Variants in ZFHX3 observed in about 807,000 individuals in gnomAD.
ZFHX3 encodes zinc finger homeobox 3, also known as zinc finger homeobox protein 3.
ZFHX3 carries 42 observed loss-of-function variants against 279.1 expected under a neutral mutation model. That is an observed-to-expected ratio of 0.15 (90% CI 0.12 to 0.19). The LOEUF (loss-of-function observed/expected upper bound fraction) is 0.19. Among genes scored for constraint, ZFHX3 ranks in the 10% least tolerant of loss-of-function variants. The pLI, the probability that ZFHX3 is intolerant of heterozygous loss-of-function variation, is 1.00. For missense variants in ZFHX3, 4,981 were observed against 4,754.0 expected, an observed-to-expected ratio of 1.05 and a Z score of -1.40; for synonymous variants, 2,293 against 1,957.8, an observed-to-expected ratio of 1.17 and a Z score of -4.52.
intron 3 of ZFHX3, among the ~76,000 whole-genome samples, chr16:73,388,246 G>A (rs569459214): frequency 6.6e-6 from 1 of 152,142 alleles, no homozygotes; most frequent in Non-Finnish European, 1.5e-5. Flanking sequence ...ATCCAGGCCT[G>A]TGTGGAGTAT....
chr16:73,454,203 A>G (rs2143565720), intron 3 of ZFHX3, among the ~76,000 whole-genome samples: 1 of 152,308 alleles, frequency 6.6e-6, no homozygotes, highest in Non-Finnish European at 1.5e-5. Context: ...GCATGGCAAC[A>G]ATAGATAAGA....
At chr16:73,724,376 C>G (rs1469749321) in intron 1 of ZFHX3, among the ~76,000 whole-genome samples, 2 of 152,190 alleles carry the variant, frequency 1.3e-5, no homozygotes, top group Non-Finnish European at 2.9e-5. Context: ...GCAGAAAATA[C>G]CCACAGATGA....
intron 3 of ZFHX3, among the ~76,000 whole-genome samples, chr16:73,421,764 T>C (rs890525420): frequency 6.6e-6 from 1 of 152,136 alleles, no homozygotes; most frequent in African/African-American, 2.4e-5. Flanking sequence ...TCTCCAGGGC[T>C]TCTGTCTGGG....
At chr16:73,315,546 AC>A in intron 4 of ZFHX3, among the ~76,000 whole-genome samples, 1 of 152,288 alleles carries the variant, frequency 6.6e-6, no homozygotes, top group Middle Eastern at 3.4e-3. Flanking sequence ...TAATTTCCAA[AC>A]AAAAAGACAA....
rs149890411 is a variant in ZFHX3, at chr16:72,827,147, G to T, written c.3529+2632C>A. The stretch of plus-strand genomic sequence containing the variant: ...GAAACATACGCACCAAACATCATTC[G>T]CACGATCCCATTAAATGCTTGTATG... On this transcript the variant is annotated intron_variant, in intron 5 of 9. Transcript: ENST00000268489. 8.8e-3 allele frequency among the ~76,000 whole-genome samples: 1,336 copies of T among 152,180 alleles called. 17 individuals carry two copies. Among genetic ancestry groups the T allele is most frequent in the African/African-American group, 0.028 (1,183 of 41,510 alleles).
chr16:73,384,679 C>T (rs371472971), intron 3 of ZFHX3, among the ~76,000 whole-genome samples: 51 of 152,316 alleles, frequency 3.3e-4, no homozygotes, highest in African/African-American at 1.2e-3. Flanking sequence ...TAGCAGCATA[C>T]ACAGCATACA....
chr16:73,449,581 A>T (rs1485970836), intron 3 of ZFHX3, among the ~76,000 whole-genome samples: 1 of 152,246 alleles, frequency 6.6e-6, no homozygotes, highest in Non-Finnish European at 1.5e-5. Context: ...AATGAAGAAC[A>T]TGAATCTAAA....
At chr16:73,539,037 T>C (rs537801666) in intron 2 of ZFHX3, among the ~76,000 whole-genome samples, 125 of 152,188 alleles carry the variant, frequency 8.2e-4, no homozygotes, top group African/African-American at 3.0e-3. Context: ...AGAGGGAAGA[T>C]TGTATGTAGG....
At chr16:72,843,292 T>C (rs967027324) in intron 4 of ZFHX3, among the ~76,000 whole-genome samples, 2 of 151,278 alleles carry the variant, frequency 1.3e-5, no homozygotes, top group Non-Finnish European at 2.9e-5. Flanking sequence ...AGGCAGATCA[T>C]GAGGTCAGGA....
chr16:72,935,187 G>A (rs542640083), intron 3 of ZFHX3, among the ~76,000 whole-genome samples: 14 of 152,164 alleles, frequency 9.2e-5, no homozygotes, highest in Middle Eastern at 3.2e-3. Context: ...TGCGCATAGC[G>A]GGTGCTCAAG....
intron 1 of ZFHX3, among the ~76,000 whole-genome samples, chr16:73,017,642 G>A (rs1964152943): frequency 6.6e-6 from 1 of 151,964 alleles, no homozygotes; most frequent in Non-Finnish European, 1.5e-5. Flanking sequence ...TCCAACTCCA[G>A]GGAGCTAGAC....
At chr16:73,525,825 T>C (rs1174464245) in intron 2 of ZFHX3, among the ~76,000 whole-genome samples, 2 of 152,214 alleles carry the variant, frequency 1.3e-5, no homozygotes, top group Admixed American at 6.5e-5. Flanking sequence ...AGTTTTGAGC[T>C]AACATAATTC....
At chr16:73,810,942 A>C (rs1241566280) in intron 1 of ZFHX3, among the ~76,000 whole-genome samples, 4 of 152,116 alleles carry the variant, frequency 2.6e-5, no homozygotes, top group Non-Finnish European at 5.9e-5. Context: ...TATAATACTA[A>C]ATTCTTCCTT....
rs77188960 is a variant in ZFHX3, at chr16:73,486,622, T to G, written c.-1546-30364A>C. The G allele has an allele frequency of 1.2e-3, 392 of 340,590 alleles. 6 individuals carry two copies. In the East Asian group the frequency reaches 0.023, roughly 20 times the overall value. The allele number at this position is 340,590 out of a possible 1,614,324, so 21.1% of individuals were successfully genotyped here. ...CCCCCACATAAAGATAGACCTGCAT[T>G]TATTCCAAACACCAAAATTAACTGG... On this transcript the variant is annotated intron_variant, in intron 2 of 17. Coordinates refer to the ZFHX3 transcript ENST00000641206.
chr16:73,815,021 A>G (rs1030428930), intron 1 of ZFHX3, among the ~76,000 whole-genome samples: 1 of 152,218 alleles, frequency 6.6e-6, no homozygotes, highest in African/African-American at 2.4e-5. Context: ...CACAAATATT[A>G]GGAAACATTT....
At chr16:73,603,089 T>C (rs999160452) in intron 2 of ZFHX3, among the ~76,000 whole-genome samples, 5 of 151,714 alleles carry the variant, frequency 3.3e-5, no homozygotes, top group African/African-American at 1.2e-4. Flanking sequence ...ATAGAGACCA[T>C]CCTGGCTAAC....
chr16:73,644,260 C>T (rs1037341157), intron 2 of ZFHX3, among the ~76,000 whole-genome samples: 7 of 152,236 alleles, frequency 4.6e-5, no homozygotes, highest in Admixed American at 3.3e-4. Context: ...AGCTCCAGGG[C>T]ATAGTTCCCT....
At chr16:73,719,711 G>A (rs2053455657) in intron 1 of ZFHX3, among the ~76,000 whole-genome samples, 2 of 150,886 alleles carry the variant, frequency 1.3e-5, no homozygotes, top group Non-Finnish European at 1.5e-5. Flanking sequence ...TCGGCTCACT[G>A]CAACCTCCGC....
At chr16:73,807,429 C>G (rs1960308282) in intron 1 of ZFHX3, among the ~76,000 whole-genome samples, 1 of 152,068 alleles carries the variant, frequency 6.6e-6, no homozygotes, top group African/African-American at 2.4e-5. Flanking sequence ...CTATAACCAT[C>G]AAGCTAATTG....
Sources: gnomAD v4.1 joint callset for allele counts (sites outside exome capture counted in the v4.1 genomes callset) on GRCh38, gnomAD v4.1.1 for gene constraint, MANE v1.5 for transcripts, NCBI Gene and HGNC (gene_info 2026-07-23, HGNC 2026-07-21) for gene names.